Variants in CNTNAP2 observed in about 807,000 individuals in gnomAD.
The protein encoded by CNTNAP2 is contactin-associated protein-like 2.
A neutral mutation model predicts 155.2 loss-of-function variants in CNTNAP2; 98 were observed. That is an observed-to-expected ratio of 0.63 (90% CI 0.54 to 0.75). The LOEUF (loss-of-function observed/expected upper bound fraction) is 0.75, where lower values mean the gene tolerates loss of function less well. Among genes scored for constraint, CNTNAP2 ranks in the 30% least tolerant of loss-of-function variants. The probability of loss-of-function intolerance (pLI) is 0.00; values close to 1 mark genes in which losing one functional copy is unlikely to be tolerated. For synonymous variants in CNTNAP2, 651 were observed against 631.2 expected, an observed-to-expected ratio of 1.03 and a Z score of -0.47; for missense variants, 1,727 against 1,688.1, an observed-to-expected ratio of 1.02 and a Z score of -0.40.
At chr7:147,579,418 T>A (rs920566099) in intron 12 of CNTNAP2, among the ~76,000 whole-genome samples, 1 of 152,172 alleles carries the variant, frequency 6.6e-6, no homozygotes, top group African/African-American at 2.4e-5. Context: ...GAACTTATAA[T>A]GTTATAAGTA....
At chr7:147,362,120 TA>T (rs1796157562) in intron 9 of CNTNAP2, among the ~76,000 whole-genome samples, 1 of 152,176 alleles carries the variant, frequency 6.6e-6, no homozygotes, top group African/African-American at 2.4e-5. Context: ...GTGTTTTCAG[TA>T]AAGGAGTAAG....
chr7:146,379,939 A>C (rs1352006096), intron 1 of CNTNAP2, among the ~76,000 whole-genome samples: 1 of 152,198 alleles, frequency 6.6e-6, no homozygotes, highest in Non-Finnish European at 1.5e-5. Context: ...AATAATCAAC[A>C]CTTACAGAGC....
intron 2 of CNTNAP2, among the ~76,000 whole-genome samples, chr7:146,831,308 A>T (rs558479278): frequency 5.3e-5 from 8 of 152,222 alleles, no homozygotes; most frequent in Admixed American, 3.3e-4. Context: ...TTTAATAAAT[A>T]TTCAAGAAAG....
intron 19 of CNTNAP2, among the ~76,000 whole-genome samples, chr7:148,227,107 G>A (rs771804215): frequency 6.6e-6 from 1 of 152,144 alleles, no homozygotes. Flanking sequence ...GACTGCAAGA[G>A]TAAGGTGCCC....
intron 3 of CNTNAP2, among the ~76,000 whole-genome samples, chr7:146,925,781 T>C (rs888810965): frequency 6.6e-6 from 1 of 152,158 alleles, no homozygotes; most frequent in Non-Finnish European, 1.5e-5. Context: ...TGAGATATAA[T>C]TCATAATATT....
At chr7:148,224,943 G>A (rs1389735810) in intron 19 of CNTNAP2, among the ~76,000 whole-genome samples, 1 of 152,162 alleles carries the variant, frequency 6.6e-6, no homozygotes, top group African/African-American at 2.4e-5. Context: ...TCATGATTCA[G>A]TTACCTCCCA....
intron 1 of CNTNAP2, among the ~76,000 whole-genome samples, chr7:146,735,980 C>T (rs990889263): frequency 7.2e-5 from 11 of 152,128 alleles, no homozygotes; most frequent in Admixed American, 1.3e-4. Flanking sequence ...TTGATCATTA[C>T]CTATTGTATA....
At chr7:148,097,175 C>A (rs1803989631) in intron 15 of CNTNAP2, among the ~76,000 whole-genome samples, 1 of 152,032 alleles carries the variant, frequency 6.6e-6, no homozygotes, top group Admixed American at 6.5e-5. Flanking sequence ...CATTTTCAGA[C>A]AACTTCTTTA....
At chr7:146,730,016 C>T (rs1384641053) in intron 1 of CNTNAP2, among the ~76,000 whole-genome samples, 1 of 152,080 alleles carries the variant, frequency 6.6e-6, no homozygotes, top group Non-Finnish European at 1.5e-5. Context: ...CTGCTTCATA[C>T]ACAATTAATT....
At position 147,667,259 on chromosome 7, in the gene CNTNAP2, G is replaced by A. The variant is rs1795710608; in HGVS notation, c.2098+27953G>A. 5.9e-5 allele frequency among the ~76,000 whole-genome samples: 9 copies of A among 152,068 alleles called. No homozygotes were observed. In the South Asian group the frequency reaches 1.7e-3, roughly 28 times the overall value. On this transcript the variant is annotated intron_variant, in intron 13 of 23. Coordinates refer to ENST00000361727, the MANE Select transcript of CNTNAP2 (RefSeq NM_014141.6). ...GATTAGTGATAAGTTGATTGTGAGG[G>A]GGAATTACTTGTCAGAGCAAATCTT...
rs192832200 is a variant in CNTNAP2 at position 146,408,040 on chromosome 7, A to T, written c.97+291067A>T. On this transcript the variant is annotated intron_variant, in intron 1 of 23. Transcript: ENST00000361727. ...CAAGGCTTCTGACCAACAGTAGGCTATTAGTAGTTAAGTTTTGGGAGAGTC... is the reference window on the plus strand; with the variant it reads ...CAAGGCTTCTGACCAACAGTAGGCTTTTAGTAGTTAAGTTTTGGGAGAGTC... Among the ~76,000 whole-genome samples the T allele has an allele frequency of 4.9e-4, 74 of 152,318 alleles. No homozygotes were observed. The East Asian group carries it at 9.3e-3, about 19-fold the overall frequency.
chr7:147,339,454 G>C (rs940429733), intron 9 of CNTNAP2, among the ~76,000 whole-genome samples: 3 of 152,098 alleles, frequency 2.0e-5, no homozygotes, highest in African/African-American at 7.2e-5. Context: ...AGTGGAAGCA[G>C]CACAAGGCCC....
chr7:147,352,009 G>A (rs1229680588), intron 9 of CNTNAP2, among the ~76,000 whole-genome samples: 1 of 151,846 alleles, frequency 6.6e-6, no homozygotes, highest in Non-Finnish European at 1.5e-5. Flanking sequence ...ATGATCAATG[G>A]CAATTTGTTT....
chr7:148,066,316 T>G (rs575761646), intron 15 of CNTNAP2, among the ~76,000 whole-genome samples: 1 of 152,182 alleles, frequency 6.6e-6, no homozygotes, highest in Non-Finnish European at 1.5e-5. Flanking sequence ...TTCTTGTATT[T>G]GGATGTCTAG....
intron 9 of CNTNAP2, among the ~76,000 whole-genome samples, chr7:147,393,226 T>C (rs1291201297): frequency 6.6e-6 from 1 of 152,120 alleles, no homozygotes; most frequent in African/African-American, 2.4e-5. Context: ...CCTATAATTA[T>C]CTTCTCCTAG....
At chr7:148,154,189 C>T (rs1313428438) in intron 17 of CNTNAP2, among the ~76,000 whole-genome samples, 1 of 152,198 alleles carries the variant, frequency 6.6e-6, no homozygotes. Flanking sequence ...GGGCAGAAAG[C>T]CTGACTGAGA....
chr7:147,980,292 A>G (rs1801499065), intron 15 of CNTNAP2, among the ~76,000 whole-genome samples: 1 of 152,198 alleles, frequency 6.6e-6, no homozygotes, highest in Non-Finnish European at 1.5e-5. Flanking sequence ...TGAGAAAAGT[A>G]TAGTGGTCAT....
rs188998205 is a variant in CNTNAP2, at chr7:147,765,022, T to C, written c.2098+125716T>C. Among the ~76,000 whole-genome samples the C allele has an allele frequency of 5.3e-5, 8 of 152,348 alleles. No individual in the cohort carries two copies. The South Asian group carries it at 1.4e-3, about 28-fold the overall frequency. ...TGCTGAAGCTGGTCGAATTTAATTA[T>C]GCTTGTAAAGTCTACTCATTTGTAC... On this transcript the variant is annotated intron_variant, in intron 13 of 23. Coordinates refer to ENST00000361727, the MANE Select transcript of CNTNAP2 (RefSeq NM_014141.6).
intron 1 of CNTNAP2, among the ~76,000 whole-genome samples, chr7:146,643,347 G>T (rs1799747328): frequency 6.6e-6 from 1 of 152,190 alleles, no homozygotes; most frequent in African/African-American, 2.4e-5. Context: ...TAAGGTGTAA[G>T]GAAGGGATCC....
Sources: gnomAD v4.1 joint callset for allele counts (sites outside exome capture counted in the v4.1 genomes callset) on GRCh38, gnomAD v4.1.1 for gene constraint, MANE v1.5 for transcripts, NCBI Gene and HGNC (gene_info 2026-07-23, HGNC 2026-07-21) for gene names.